The following SLIT2 variants were observed in gnomAD, a reference collection of about 807,000 sequenced individuals.
The protein encoded by SLIT2 is slit guidance ligand 2, also known as slit homolog 2 protein.
A neutral mutation model predicts 185.7 loss-of-function variants in SLIT2; 41 were observed. The ratio of observed to expected loss-of-function variants is 0.22; its 90% CI spans 0.17 to 0.29. The LOEUF (loss-of-function observed/expected upper bound fraction) is 0.29, where lower values mean the gene tolerates loss of function less well. SLIT2 is among the 10% of genes least tolerant of loss of function. SLIT2 has a pLI of 1.00. For synonymous variants in SLIT2, 693 were observed against 680.2 expected, an observed-to-expected ratio of 1.02 and a Z score of -0.29; for missense variants, 1,571 against 1,909.0, an observed-to-expected ratio of 0.82 and a Z score of 3.30.
At chr4:20,536,765 T>G (rs1289417403) in intron 18 of SLIT2, among the ~76,000 whole-genome samples, 10 of 136,866 alleles carry the variant, frequency 7.3e-5, no homozygotes, top group Non-Finnish European at 5.0e-5. Flanking sequence ...TGTATAAATT[T>G]TTTTACTCTT....
rs372011233 is a variant in SLIT2 at position 20,256,652 on chromosome 4, C to A, written c.180-20C>A. 179 of 1,352,734 alleles carry A rather than the reference C, an allele frequency of 1.3e-4. No individual in the cohort carries two copies. In the African/African-American group the frequency reaches 2.2e-3, roughly 17 times the overall value. The allele number at this position is 1,352,734 out of a possible 1,614,324, so 83.8% of individuals were successfully genotyped here. On this transcript the variant is annotated intron_variant, in intron 1 of 36. Transcript: ENST00000504154. ...ACATAGAAATAAAATGGAACTTTCA[C>A]TTTCTGGTTTTTCTCTTAGGGATTT...
In SLIT2 at chr4:20,532,075, C is replaced by A; in HGVS notation, c.1688+17C>A. 2 of 1,397,710 alleles carry A rather than the reference C, an allele frequency of 1.4e-6. No homozygotes were observed. The highest frequency in any genetic ancestry group is 1.9e-6 in the Non-Finnish European group (2 of 1,040,532). 86.6% of individuals were successfully genotyped at this position (1,397,710 alleles called of 1,614,324 possible). A position where few individuals can be genotyped will look rare whatever the true frequency, so the allele number is the denominator to read the frequency against. On this transcript the variant is annotated intron_variant, in intron 17 of 36. Transcript: ENST00000504154. ...ACGTAAAATGTAAGTCACTTGTTAG[C>A]TATTTTTTTTATTTCTGTAGCATTT...
chr4:20,278,091 TA>T (rs1180968098), intron 4 of SLIT2, among the ~76,000 whole-genome samples: 3 of 151,936 alleles, frequency 2.0e-5, no homozygotes, highest in Admixed American at 6.6e-5. Flanking sequence ...ATATGAAACT[TA>T]AAAAAAATTT....
At chr4:20,326,629 GACTT>G (rs1719613698) in intron 4 of SLIT2, among the ~76,000 whole-genome samples, 1 of 151,064 alleles carries the variant, frequency 6.6e-6, no homozygotes, top group Non-Finnish European at 1.5e-5. Flanking sequence ...CTTTTAGTAA[GACTT>G]ACTTAATGAA....
intron 29 of SLIT2, among the ~76,000 whole-genome samples, chr4:20,586,670 C>G (rs911275440): frequency 6.6e-6 from 1 of 152,060 alleles, no homozygotes; most frequent in Non-Finnish European, 1.5e-5. Context: ...TCATTAAGTA[C>G]ATAAACAAAT....
chr4:20,366,924 A>G (rs994069377), intron 4 of SLIT2, among the ~76,000 whole-genome samples: 1 of 151,914 alleles, frequency 6.6e-6, no homozygotes, highest in Admixed American at 6.6e-5. Flanking sequence ...CAGCCTCCCA[A>G]ATAGCTGGGA....
intron 4 of SLIT2, among the ~76,000 whole-genome samples, chr4:20,369,920 CT>C (rs1219864466): frequency 6.6e-6 from 1 of 152,132 alleles, no homozygotes; most frequent in Non-Finnish European, 1.5e-5. Context: ...CCCCTTTCTT[CT>C]TTCCTCGAAA....
chr4:20,377,075 CCTAT>C (rs1342812366), intron 4 of SLIT2, among the ~76,000 whole-genome samples: 24 of 151,712 alleles, frequency 1.6e-4, no homozygotes, highest in Non-Finnish European at 5.9e-5. Context: ...AATACTGTAT[CCTAT>C]CTAATTTCTC....
intron 4 of SLIT2, among the ~76,000 whole-genome samples, chr4:20,352,870 G>A (rs189826545): frequency 7.9e-5 from 12 of 152,208 alleles, no homozygotes; most frequent in African/African-American, 2.2e-4. Context: ...CCGAGAGTGC[G>A]TCACTGCAAT....
Position 20,486,289 on chromosome 4 carries a change from A to G in SLIT2, c.611+18A>G. The G allele has an allele frequency of 1.4e-6, 2 of 1,386,134 alleles. No homozygotes were observed. The highest frequency in any genetic ancestry group is 2.1e-6 in the Non-Finnish European group (2 of 973,778). 85.9% of individuals were successfully genotyped at this position (1,386,134 alleles called of 1,614,324 possible). A position where few individuals can be genotyped will look rare whatever the true frequency, so the allele number is the denominator to read the frequency against. ...AGGACTTTGTAAGTAGTCACAATATATGTAAAAGTCATATTAATCAATTAA... is the reference window on the plus strand; with the variant it reads ...AGGACTTTGTAAGTAGTCACAATATGTGTAAAAGTCATATTAATCAATTAA... On this transcript the variant is annotated intron_variant, in intron 7 of 36. Coordinates refer to ENST00000504154, the MANE Select transcript of SLIT2 (RefSeq NM_004787.4).
chr4:20,263,051 T>G (rs1475594835), intron 3 of SLIT2, among the ~76,000 whole-genome samples: 9 of 151,806 alleles, frequency 5.9e-5, no homozygotes. Flanking sequence ...GTAGTTTAGT[T>G]TGCACTGTTA....
intron 5 of SLIT2, among the ~76,000 whole-genome samples, chr4:20,471,946 C>T (rs144659257): frequency 4.1e-4 from 62 of 151,832 alleles, no homozygotes; most frequent in African/African-American, 1.4e-3. Flanking sequence ...ATTTTGCTAC[C>T]TTATTTTCTC....
In SLIT2 at chr4:20,371,815, A is replaced by G. The variant is rs530706678; in HGVS notation, c.396-95937A>G. ...CTGTTTTCCATATGTATGGAAATATAGAGAGATTCAGCCAAAAATACTGTA... is the reference window on the plus strand; with the variant it reads ...CTGTTTTCCATATGTATGGAAATATGGAGAGATTCAGCCAAAAATACTGTA... On this transcript the variant is annotated intron_variant, in intron 4 of 36. Transcript: ENST00000504154. Among the ~76,000 whole-genome samples, 4 of 152,234 alleles carry G rather than the reference A, an allele frequency of 2.6e-5. No individual in the cohort carries two copies. In the South Asian group the frequency reaches 8.3e-4, roughly 32 times the overall value.
intron 4 of SLIT2, among the ~76,000 whole-genome samples, chr4:20,328,062 A>G (rs1317888335): frequency 6.6e-6 from 1 of 152,068 alleles, no homozygotes; most frequent in African/African-American, 2.4e-5. Flanking sequence ...AGTGTGTTTT[A>G]GGGAACGTAA....
chr4:20,386,113 GC>G (rs1724919068), intron 4 of SLIT2, among the ~76,000 whole-genome samples: 1 of 152,220 alleles, frequency 6.6e-6, no homozygotes, highest in Admixed American at 6.5e-5. Context: ...GTGTATAAAA[GC>G]TCATGCATTT....
chr4:20,532,093 TA>T, intron 17 of SLIT2, 35 bp downstream of exon 17: 1 of 1,257,918 alleles, frequency 7.9e-7, no homozygotes, highest in Admixed American at 2.5e-5. Context: ...TTTATTTCTG[TA>T]GCATTTTTTG....
chr4:20,379,995 T>G (rs1263629956), intron 4 of SLIT2, among the ~76,000 whole-genome samples: 1 of 152,050 alleles, frequency 6.6e-6, no homozygotes. Context: ...AGGGGTTCAG[T>G]CAAGTGTTTG....
chr4:20,473,346 T>A (rs1316122246), intron 5 of SLIT2, among the ~76,000 whole-genome samples: 1 of 152,050 alleles, frequency 6.6e-6, no homozygotes, highest in Non-Finnish European at 1.5e-5. Flanking sequence ...TTTTTGTACA[T>A]GCATTACTTT....
At chr4:20,307,537 G>A (rs892720041) in intron 4 of SLIT2, among the ~76,000 whole-genome samples, 1 of 152,022 alleles carries the variant, frequency 6.6e-6, no homozygotes, top group East Asian at 1.9e-4. Flanking sequence ...TGGGATTATA[G>A]GCATGAGCCA....
Sources: allele counts gnomAD v4.1 joint callset (sites outside exome capture counted in the v4.1 genomes callset), GRCh38; gene constraint gnomAD v4.1.1; transcripts MANE v1.5; gene names NCBI Gene and HGNC (gene_info 2026-07-23, HGNC 2026-07-21).